Variants in RALYL observed in about 807,000 individuals in gnomAD.
The protein encoded by RALYL is RNA-binding Raly-like protein.
RALYL carries 29 observed loss-of-function variants against 35.1 expected under a neutral mutation model. The ratio of observed to expected loss-of-function variants is 0.83; its 90% CI spans 0.61 to 1.13. The LOEUF (loss-of-function observed/expected upper bound fraction) is 1.13, where lower values mean the gene tolerates loss of function less well. RALYL is among the 50% of genes most tolerant of loss of function. The pLI is 0.00. For missense variants in RALYL, 359 were observed against 360.4 expected (o/e 1.00, Z 0.03); for synonymous variants, 120 against 127.6 (o/e 0.94, Z 0.40).
At chr8:84,884,378 A>T (rs113041462) in intron 7 of RALYL, among the ~76,000 whole-genome samples, 34 of 152,160 alleles carry the variant, frequency 2.2e-4, no homozygotes, top group African/African-American at 7.9e-4. Context: ...AAACAAATTG[A>T]TACATGAAGC....
chr8:84,756,136 T>C (rs1811354870), intron 2 of RALYL, among the ~76,000 whole-genome samples: 1 of 152,112 alleles, frequency 6.6e-6, no homozygotes, highest in African/African-American at 2.4e-5. Flanking sequence ...TGGATTATAT[T>C]ACCCCTATGG....
At chr8:84,392,964 G>A (rs947957986) in intron 1 of RALYL, among the ~76,000 whole-genome samples, 31 of 152,160 alleles carry the variant, frequency 2.0e-4, no homozygotes, top group African/African-American at 7.5e-4. Flanking sequence ...TGCTTTCTGT[G>A]TTTCAGGAAC....
intron 1 of RALYL, among the ~76,000 whole-genome samples, chr8:84,396,318 G>A (rs1861742672): frequency 2.0e-5 from 3 of 152,078 alleles, no homozygotes; most frequent in African/African-American, 7.2e-5. Context: ...TTGAAATGAA[G>A]CTGCCTAAAA....
At chr8:84,542,999 G>T (rs944953588) in intron 2 of RALYL, among the ~76,000 whole-genome samples, 1 of 152,060 alleles carries the variant, frequency 6.6e-6, no homozygotes, top group African/African-American at 2.4e-5. Context: ...TCCATTGAAA[G>T]AACAAAATCA....
intron 1 of RALYL, among the ~76,000 whole-genome samples, chr8:84,362,436 GGCT>G (rs1301229266): frequency 6.6e-6 from 1 of 152,020 alleles, no homozygotes; most frequent in African/African-American, 2.4e-5. Context: ...TCAACCTCTG[GGCT>G]GCAGACCCAT....
chr8:84,693,354 T>G (rs113741441), intron 2 of RALYL, among the ~76,000 whole-genome samples: 1 of 151,864 alleles, frequency 6.6e-6, no homozygotes, highest in Non-Finnish European at 1.5e-5. Context: ...CTTCACATGA[T>G]GGCAGGAAGA....
chr8:84,766,059 T>C (rs896435233), intron 2 of RALYL, among the ~76,000 whole-genome samples: 6 of 152,150 alleles, frequency 3.9e-5, no homozygotes, highest in Non-Finnish European at 8.8e-5. Flanking sequence ...CAGTTTATTG[T>C]AGCAGTGTAA....
rs546375834 is a variant in RALYL at position 84,256,987 on chromosome 8, T to C, written c.-24+72563T>C. 2.0e-5 allele frequency among the ~76,000 whole-genome samples: 3 copies of C among 152,024 alleles called. No homozygotes were observed. In the South Asian group the frequency reaches 6.2e-4, roughly 32 times the overall value. On this transcript the variant is annotated intron_variant, in intron 1 of 8. Coordinates refer to ENST00000521268, the MANE Select transcript of RALYL (RefSeq NM_173848.7). ...CCATGGCAGATATTTATTATATTGG[T>C]TTAATATACTTATTAAACAAATATA...
chr8:84,201,279 C>CATAAG (rs1277137620), intron 1 of RALYL, among the ~76,000 whole-genome samples: 1 of 152,156 alleles, frequency 6.6e-6, no homozygotes, highest in Non-Finnish European at 1.5e-5. Context: ...GATTTAGTAT[C>CATAAG]TTTGACTAAA....
chr8:84,304,730 A>G (rs1008084207), intron 1 of RALYL, among the ~76,000 whole-genome samples: 2 of 152,136 alleles, frequency 1.3e-5, no homozygotes, highest in South Asian at 2.1e-4. Flanking sequence ...GTTTGCTGTC[A>G]TGCTTTTTCT....
At chr8:84,448,459 C>T (rs1285585975) in intron 1 of RALYL, among the ~76,000 whole-genome samples, 1 of 151,994 alleles carries the variant, frequency 6.6e-6, no homozygotes, top group African/African-American at 2.4e-5. Flanking sequence ...TCTCTTGCCT[C>T]AATTGCATTT....
chr8:84,393,442 A>G (rs1422873416), intron 1 of RALYL, among the ~76,000 whole-genome samples: 1 of 152,056 alleles, frequency 6.6e-6, no homozygotes, highest in African/African-American at 2.4e-5. Flanking sequence ...AAGGGAAGTC[A>G]CAATTTTTTA....
At chr8:84,729,017 C>T (rs1845581136) in intron 2 of RALYL, among the ~76,000 whole-genome samples, 1 of 152,068 alleles carries the variant, frequency 6.6e-6, no homozygotes, top group Non-Finnish European at 1.5e-5. Context: ...TGAAGAAAGT[C>T]ATTGGTAGTT....
Position 84,423,778 on chromosome 8 carries a change from G to A in RALYL, c.-23-105521G>A, listed in dbSNP as rs1157496068. On this transcript the variant is annotated intron_variant, in intron 1 of 8. Coordinates refer to ENST00000521268, the MANE Select transcript of RALYL (RefSeq NM_173848.7). The stretch of plus-strand genomic sequence containing the variant: ...AAAATCGGTCAGCATTTGCTTGTCT[G>A]TAAAGTATTTTATTTCTCCTTCACT... Among the ~76,000 whole-genome samples the A allele has an allele frequency of 2.6e-5, 4 of 151,760 alleles. No individual in the cohort carries two copies. In the East Asian group the frequency reaches 7.8e-4, roughly 29 times the overall value.
At chr8:84,756,506 A>G (rs1423558362) in intron 2 of RALYL, among the ~76,000 whole-genome samples, 1 of 152,134 alleles carries the variant, frequency 6.6e-6, no homozygotes, top group East Asian at 1.9e-4. Context: ...TCTCTTTAAG[A>G]ATAAATATTG....
intron 1 of RALYL, among the ~76,000 whole-genome samples, chr8:84,249,994 A>G (rs1433729325): frequency 6.6e-6 from 1 of 152,026 alleles, no homozygotes; most frequent in Non-Finnish European, 1.5e-5. Flanking sequence ...AAATTTATAA[A>G]AATATTGGTA....
At chr8:84,304,181 G>A (rs542293567) in intron 1 of RALYL, among the ~76,000 whole-genome samples, 16 of 151,910 alleles carry the variant, frequency 1.1e-4, no homozygotes, top group African/African-American at 1.9e-4. Context: ...GCAGTGGCGC[G>A]ATCTCAGCTC....
At chr8:84,541,579 A>C (rs898465761) in intron 2 of RALYL, among the ~76,000 whole-genome samples, 2 of 152,034 alleles carry the variant, frequency 1.3e-5, no homozygotes, top group East Asian at 3.8e-4. Flanking sequence ...TATATGTCAA[A>C]CAGGCAAAAA....
chr8:84,821,511 T>C (rs1334852195), intron 4 of RALYL, among the ~76,000 whole-genome samples: 4 of 152,202 alleles, frequency 2.6e-5, no homozygotes, highest in Non-Finnish European at 5.9e-5. Context: ...TGTAAAAAGT[T>C]ATTTATTGCT....
Sources: gnomAD v4.1 joint callset for allele counts (sites outside exome capture counted in the v4.1 genomes callset) on GRCh38, gnomAD v4.1.1 for gene constraint, MANE v1.5 for transcripts, NCBI Gene and HGNC (gene_info 2026-07-23, HGNC 2026-07-21) for gene names.